The following CACNG5 variants were observed in gnomAD, a reference collection of about 807,000 sequenced individuals.
CACNG5 encodes calcium voltage-gated channel auxiliary subunit gamma 5, also known as voltage-dependent calcium channel gamma-5 subunit.
CACNG5 carries 18 observed loss-of-function variants against 24.8 expected under a neutral mutation model. The observed-to-expected ratio is 0.73, with a 90% CI of 0.50 to 1.08. The LOEUF (loss-of-function observed/expected upper bound fraction) is 1.08, where lower values mean the gene tolerates loss of function less well. Ranked by LOEUF, CACNG5 falls within the 50% of genes least tolerant of loss-of-function variation. The probability of loss-of-function intolerance (pLI) is 0.00; values close to 1 mark genes in which losing one functional copy is unlikely to be tolerated. For missense variants in CACNG5, 349 were observed against 367.9 expected, an observed-to-expected ratio of 0.95 and a Z score of 0.42; for synonymous variants, 157 against 149.1, an observed-to-expected ratio of 1.05 and a Z score of -0.39.
intron 1 of CACNG5, among the ~76,000 whole-genome samples, chr17:66,871,935 C>G (rs1349914768): frequency 6.6e-6 from 1 of 152,188 alleles, no homozygotes; most frequent in Non-Finnish European, 1.5e-5. Context: ...AAAGATGACA[C>G]TACATGTTGC....
Position 66,893,430 on chromosome 17 carries a change from T to C in CACNG5, c.*8190T>C, listed in dbSNP as rs1239649702. 1.3e-5 allele frequency among the ~76,000 whole-genome samples: 2 copies of C among 152,356 alleles called. No homozygotes were observed. Among genetic ancestry groups the C allele is most frequent in the South Asian group, 2.1e-4 (1 of 4,828 alleles). Reference sequence around the variant, plus strand: ...GCTCCAGGAAAACTCTGGATTTTCCTAACTGTGGTCAGCCCGTGGTGGAAC... The same window carrying C: ...GCTCCAGGAAAACTCTGGATTTTCCCAACTGTGGTCAGCCCGTGGTGGAAC... On this transcript the variant is annotated 3_prime_UTR_variant, in exon 6 of 6. Transcript: ENST00000533854.
intron 1 of CACNG5, among the ~76,000 whole-genome samples, chr17:66,876,140 A>G (rs760054962): frequency 6.6e-6 from 1 of 152,244 alleles, no homozygotes; most frequent in Non-Finnish European, 1.5e-5. Context: ...TGATGCCTAC[A>G]TGGCTGGTCC....
At chr17:66,882,859 T>C (rs1272422297) in intron 4 of CACNG5, among the ~76,000 whole-genome samples, 1 of 152,154 alleles carries the variant, frequency 6.6e-6, no homozygotes, top group Non-Finnish European at 1.5e-5. Context: ...CTTTTCCCAA[T>C]ATTTTCTTGT....
chr17:66,862,520 C>T (rs1568066955), intron 1 of CACNG5, among the ~76,000 whole-genome samples: 1 of 151,872 alleles, frequency 6.6e-6, no homozygotes, highest in Non-Finnish European at 1.5e-5. Flanking sequence ...ATATAAAATG[C>T]TTATGTAGTA....
At chr17:66,865,205 T>C (rs1976912786) in intron 1 of CACNG5, among the ~76,000 whole-genome samples, 1 of 152,346 alleles carries the variant, frequency 6.6e-6, no homozygotes, top group South Asian at 2.1e-4. Flanking sequence ...TGTGTGTAGC[T>C]GTTTATTTTT....
intron 1 of CACNG5, among the ~76,000 whole-genome samples, chr17:66,863,257 C>T (rs1312899855): frequency 1.3e-5 from 2 of 152,100 alleles, no homozygotes; most frequent in African/African-American, 4.8e-5. Context: ...GAACAAAAGG[C>T]ACATTAACTT....
chr17:66,840,919 C>T (rs937953861), intron 1 of CACNG5, among the ~76,000 whole-genome samples: 3 of 152,182 alleles, frequency 2.0e-5, no homozygotes, highest in Admixed American at 2.0e-4. Context: ...GGTGTGTCCT[C>T]CAGAGCCTGT....
At chr17:66,849,514 G>A (rs867248599) in intron 1 of CACNG5, among the ~76,000 whole-genome samples, 6 of 152,188 alleles carry the variant, frequency 3.9e-5, no homozygotes, top group Non-Finnish European at 2.9e-5. Flanking sequence ...ACACTTCCTG[G>A]CTGAGTGGCC....
chr17:66,888,859 T>C lies in CACNG5; in HGVS notation c.*3619T>C, dbSNP rs1977302102. 6.6e-6 allele frequency among the ~76,000 whole-genome samples: 1 copy of C among 152,100 alleles called. No individual in the cohort carries two copies. Among genetic ancestry groups the C allele is most frequent in the Non-Finnish European group, 1.5e-5 (1 of 68,014 alleles). The stretch of plus-strand genomic sequence containing the variant: ...GCATGTCTCTGGTTGGGGAAGAGTT[T>C]GGAATGTTTCTGGTCAGAGATGTCA... On this transcript the variant is annotated 3_prime_UTR_variant, in exon 6 of 6. Coordinates refer to ENST00000533854, the MANE Select transcript of CACNG5 (RefSeq NM_145811.3).
Position 66,892,803 on chromosome 17 carries a change from A to C in CACNG5, c.*7563A>C, listed in dbSNP as rs7208883. Reference sequence around the variant, plus strand: ...CACATAAGGTGAGTAGCAGCTATTCAATCCATAGCATTTCTCAGTGTCCTA... The same window carrying C: ...CACATAAGGTGAGTAGCAGCTATTCCATCCATAGCATTTCTCAGTGTCCTA... On this transcript the variant is annotated 3_prime_UTR_variant, in exon 6 of 6. Transcript: ENST00000533854. 0.03 allele frequency among the ~76,000 whole-genome samples: 4,514 copies of C among 152,348 alleles called. 232 individuals carry two copies. The highest frequency in any genetic ancestry group is 0.1 in the African/African-American group (4,308 of 41,568).
At chr17:66,856,581 G>A (rs370260244) in intron 1 of CACNG5, among the ~76,000 whole-genome samples, 188 of 142,496 alleles carry the variant, frequency 1.3e-3, no homozygotes, top group African/African-American at 4.4e-3. Flanking sequence ...TCGCTCTGTC[G>A]CCCAGGCTGG....
intron 1 of CACNG5, among the ~76,000 whole-genome samples, chr17:66,840,458 C>T (rs377472398): frequency 2.0e-5 from 3 of 152,210 alleles, no homozygotes; most frequent in African/African-American, 7.2e-5. Context: ...TAAGCCTGAA[C>T]CCAAAGTTAA....
chr17:66,883,272 C>T (rs887183143), intron 4 of CACNG5, among the ~76,000 whole-genome samples: 12 of 152,118 alleles, frequency 7.9e-5, no homozygotes, highest in East Asian at 3.9e-4. Context: ...CTTTGACATA[C>T]GTGAGGTTTT....
At position 66,887,738 on chromosome 17, in the gene CACNG5, G is replaced by T. The variant is rs909174654; in HGVS notation, c.*2498G>T. Among the ~76,000 whole-genome samples, 1 of 152,036 alleles carries T rather than the reference G, an allele frequency of 6.6e-6. No individual in the cohort carries two copies. Among genetic ancestry groups the T allele is most frequent in the African/African-American group, 2.4e-5 (1 of 41,368 alleles). The stretch of plus-strand genomic sequence containing the variant: ...TGTGGACTCAGACATCACTAGGTTC[G>T]GTCTTCACTGGCCCTGATGCTGAGC... On this transcript the variant is annotated 3_prime_UTR_variant, in exon 6 of 6. Coordinates refer to ENST00000533854, the MANE Select transcript of CACNG5 (RefSeq NM_145811.3).
chr17:66,862,134 G>A (rs115137492), intron 1 of CACNG5, among the ~76,000 whole-genome samples: 1,571 of 152,246 alleles, frequency 0.01, 30 homozygotes, highest in African/African-American at 0.036. Context: ...TGGTGGGTCC[G>A]GGAGTGATTC....
At chr17:66,872,436 T>A (rs913155864) in intron 1 of CACNG5, among the ~76,000 whole-genome samples, 5 of 152,234 alleles carry the variant, frequency 3.3e-5, no homozygotes, top group East Asian at 3.9e-4. Context: ...CTGAAGACAC[T>A]GGGTGAGAGA....
At position 66,858,631 on chromosome 17, in the gene CACNG5, C is replaced by T. The variant is rs147319317; in HGVS notation, c.-103-18599C>T. Among the ~76,000 whole-genome samples, 620 of 152,202 alleles carry T rather than the reference C, an allele frequency of 4.1e-3. 2 individuals carry two copies. Among genetic ancestry groups the T allele is most frequent in the South Asian group, 0.015 (71 of 4,808 alleles). ...TTTTCCAGACCAGTGCTCTCCGATGCCCAGCAGCACATTGCTGGCTGAGGA... is the reference window on the plus strand; with the variant it reads ...TTTTCCAGACCAGTGCTCTCCGATGTCCAGCAGCACATTGCTGGCTGAGGA... On this transcript the variant is annotated intron_variant, in intron 1 of 5. Coordinates refer to ENST00000533854, the MANE Select transcript of CACNG5 (RefSeq NM_145811.3).
At position 66,894,206 on chromosome 17, in the gene CACNG5, G is replaced by A. The variant is rs8072353; in HGVS notation, c.*8966G>A. Among the ~76,000 whole-genome samples the A allele has an allele frequency of 0.13, 20,320 of 152,094 alleles. 1,641 individuals carry two copies. Among genetic ancestry groups the A allele is most frequent in the Middle Eastern group, 0.19 (55 of 294 alleles). ...CCAGGTGTGGGGACTGTCCCCATGCGTTGACTGCTCTCCCCGACCTCCAAG... is the reference window on the plus strand; with the variant it reads ...CCAGGTGTGGGGACTGTCCCCATGCATTGACTGCTCTCCCCGACCTCCAAG... On this transcript the variant is annotated 3_prime_UTR_variant, in exon 6 of 6. Coordinates refer to ENST00000533854, the MANE Select transcript of CACNG5 (RefSeq NM_145811.3).
At chr17:66,868,142 ACTT>A (rs1251109982) in intron 1 of CACNG5, among the ~76,000 whole-genome samples, 2 of 152,156 alleles carry the variant, frequency 1.3e-5, no homozygotes, top group African/African-American at 2.4e-5. Flanking sequence ...CTCCAGCTGG[ACTT>A]CTTCTTTTGT....
Sources: allele counts gnomAD v4.1 joint callset (sites outside exome capture counted in the v4.1 genomes callset), GRCh38; gene constraint gnomAD v4.1.1; transcripts MANE v1.5; gene names NCBI Gene and HGNC (gene_info 2026-07-23, HGNC 2026-07-21).